Variants in GRIP1 observed in about 807,000 individuals in gnomAD.
The protein encoded by GRIP1 is glutamate receptor interacting protein 1, also known as glutamate receptor-interacting protein 1.
In GRIP1, 45 loss-of-function variants were observed where a neutral mutation model predicts 129.9. The observed-to-expected ratio is 0.35, with a 90% CI of 0.27 to 0.44. The LOEUF is 0.44. Ranked by LOEUF, GRIP1 falls within the 20% of genes least tolerant of loss-of-function variation. GRIP1 has a pLI of 1.00. For synonymous variants in GRIP1, 530 were observed against 520.8 expected, an observed-to-expected ratio of 1.02 and a Z score of -0.24; for missense variants, 1,196 against 1,396.8, an observed-to-expected ratio of 0.86 and a Z score of 2.29.
At chr12:66,713,604 C>A (rs991151489) in intron 1 of GRIP1, among the ~76,000 whole-genome samples, 2 of 152,040 alleles carry the variant, frequency 1.3e-5, no homozygotes, top group Non-Finnish European at 2.9e-5. Context: ...GAAATATCCT[C>A]CACTGTCCAT....
intron 1 of GRIP1, among the ~76,000 whole-genome samples, chr12:66,836,867 G>C (rs2039623395): frequency 6.6e-6 from 1 of 152,188 alleles, no homozygotes; most frequent in Admixed American, 6.5e-5. Context: ...AGGATGTTTA[G>C]AGCTCACAGA....
intron 1 of GRIP1, among the ~76,000 whole-genome samples, chr12:66,710,389 T>C (rs936495810): frequency 7.2e-5 from 11 of 152,054 alleles, no homozygotes; most frequent in African/African-American, 2.2e-4. Context: ...AAGTACTCTA[T>C]GGTTATCCTT....
intron 23 of GRIP1, among the ~76,000 whole-genome samples, chr12:66,365,340 G>A (rs563317815): frequency 5.3e-5 from 8 of 152,310 alleles, no homozygotes; most frequent in African/African-American, 1.9e-4. Context: ...AGGAGGCTGA[G>A]GCAGGAGAAT....
intron 1 of GRIP1, among the ~76,000 whole-genome samples, chr12:66,665,449 C>T (rs1315828239): frequency 1.3e-5 from 2 of 152,302 alleles, no homozygotes; most frequent in Non-Finnish European, 2.9e-5. Context: ...CTGGTATCCC[C>T]ATAAGTGTGT....
chr12:66,727,228 G>A (rs1042457972), intron 1 of GRIP1, among the ~76,000 whole-genome samples: 1 of 152,186 alleles, frequency 6.6e-6, no homozygotes, highest in Admixed American at 6.6e-5. Flanking sequence ...TCAGTTTCCT[G>A]TAATAGGATA....
At chr12:66,622,612 C>A (rs941015013) in intron 1 of GRIP1, among the ~76,000 whole-genome samples, 9 of 152,118 alleles carry the variant, frequency 5.9e-5, no homozygotes, top group African/African-American at 1.9e-4. Context: ...GCATGCCAGG[C>A]AACTGAATAC....
At chr12:66,666,812 T>C (rs2136217621) in intron 1 of GRIP1, among the ~76,000 whole-genome samples, 1 of 152,290 alleles carries the variant, frequency 6.6e-6, no homozygotes, top group South Asian at 2.1e-4. Context: ...TAAAAATGTA[T>C]TTATTTTATG....
intron 1 of GRIP1, among the ~76,000 whole-genome samples, chr12:66,694,077 A>G (rs1055771938): frequency 1.3e-5 from 2 of 152,138 alleles, no homozygotes; most frequent in African/African-American, 2.4e-5. Flanking sequence ...TCTCTTCCTC[A>G]AGACATTTTA....
intron 1 of GRIP1, among the ~76,000 whole-genome samples, chr12:66,661,393 T>A (rs1460172954): frequency 7.4e-6 from 1 of 135,436 alleles, no homozygotes; most frequent in African/African-American, 2.8e-5. Flanking sequence ...ATTACTTCCA[T>A]CAAACAACAA....
chr12:66,780,231 GTGTT>G (rs1254172225), intron 1 of GRIP1, among the ~76,000 whole-genome samples: 2 of 152,200 alleles, frequency 1.3e-5, no homozygotes, highest in Non-Finnish European at 2.9e-5. Flanking sequence ...GCAGGAATCA[GTGTT>G]TGTGCAAGAG....
chr12:66,641,408 G>A (rs10878480), intron 1 of GRIP1, among the ~76,000 whole-genome samples: 29,791 of 152,110 alleles, frequency 0.2, 3,054 homozygotes, highest in Non-Finnish European at 0.23. Context: ...GGTGGGCCTG[G>A]ATCCCTGAAC....
intron 2 of GRIP1, among the ~76,000 whole-genome samples, chr12:66,587,502 T>A (rs1341868964): frequency 3.9e-5 from 6 of 152,262 alleles, no homozygotes; most frequent in Non-Finnish European, 5.9e-5. Context: ...TTTCAACTGC[T>A]AGCCTGCCAG....
intron 2 of GRIP1, among the ~76,000 whole-genome samples, chr12:66,578,710 C>T (rs965402644): frequency 4.0e-5 from 6 of 151,798 alleles, no homozygotes; most frequent in Non-Finnish European, 8.8e-5. Context: ...GGGGGAGGGG[C>T]GCCCACGATT....
At chr12:66,982,280 G>T (rs1397871743) in intron 1 of GRIP1, among the ~76,000 whole-genome samples, 1 of 152,010 alleles carries the variant, frequency 6.6e-6, no homozygotes, top group Non-Finnish European at 1.5e-5. Context: ...TGTGTGTGAT[G>T]GGAACATAAA....
chr12:66,525,386 C>T (rs1293198624), intron 5 of GRIP1, among the ~76,000 whole-genome samples: 2 of 152,284 alleles, frequency 1.3e-5, no homozygotes, highest in East Asian at 1.9e-4. Flanking sequence ...CTACACAAAT[C>T]AATAAATGTA....
chr12:66,676,463 A>G (rs1425268968), intron 1 of GRIP1, among the ~76,000 whole-genome samples: 2 of 152,170 alleles, frequency 1.3e-5, no homozygotes, highest in African/African-American at 2.4e-5. Context: ...GTAAGGTTTT[A>G]GCCACAAGAG....
At position 66,917,225 on chromosome 12, in the gene GRIP1, A is replaced by C. The variant is rs111245432; in HGVS notation, c.58+151825T>G. 3.1e-3 allele frequency among the ~76,000 whole-genome samples: 479 copies of C among 152,332 alleles called. 1 individual carries two copies. Among genetic ancestry groups the C allele is most frequent in the African/African-American group, 0.011 (457 of 41,588 alleles). The stretch of plus-strand genomic sequence containing the variant: ...TCTATACTTTTATCAGCATAGCCCT[A>C]ATTTAAAATACATTCACATGCTGCC... On this transcript the variant is annotated intron_variant, in intron 1 of 1. Transcript: ENST00000643019.
intron 1 of GRIP1, among the ~76,000 whole-genome samples, chr12:66,979,621 A>G (rs1489709992): frequency 1.3e-5 from 2 of 152,182 alleles, no homozygotes; most frequent in African/African-American, 4.8e-5. Context: ...CCCCAGAAAG[A>G]CGCATACCTG....
At chr12:66,684,842 C>T (rs551971058) in intron 1 of GRIP1, among the ~76,000 whole-genome samples, 17 of 152,106 alleles carry the variant, frequency 1.1e-4, no homozygotes, top group Middle Eastern at 3.4e-3. Context: ...AAGACTCTGT[C>T]GAAATGAAAT....
Sources: gnomAD v4.1 joint callset for allele counts (sites outside exome capture counted in the v4.1 genomes callset) on GRCh38, gnomAD v4.1.1 for gene constraint, MANE v1.5 for transcripts, NCBI Gene and HGNC (gene_info 2026-07-23, HGNC 2026-07-21) for gene names.